The following TMBIM6 variants were observed in gnomAD, a reference collection of about 807,000 sequenced individuals.
TMBIM6 encodes the protein bax inhibitor 1.
TMBIM6 carries 13 observed loss-of-function variants against 31.4 expected under a neutral mutation model. The ratio of observed to expected loss-of-function variants is 0.41; its 90% CI spans 0.27 to 0.66. The LOEUF (loss-of-function observed/expected upper bound fraction) is 0.66. Among genes scored for constraint, TMBIM6 ranks in the 30% least tolerant of loss-of-function variants. The pLI, the probability that TMBIM6 is intolerant of heterozygous loss-of-function variation, is 0.28. For synonymous variants in TMBIM6, 85 were observed against 101.7 expected (o/e 0.84, Z 0.99); for missense variants, 275 against 289.5 (o/e 0.95, Z 0.36).
intron 1 of TMBIM6, among the ~76,000 whole-genome samples, chr12:49,747,078 T>G (rs749659682): frequency 6.6e-6 from 1 of 152,054 alleles, no homozygotes; most frequent in Non-Finnish European, 1.5e-5. Context: ...CCTCAGGTGA[T>G]CCACCCACTT....
rs542861317 is a variant in TMBIM6 at position 49,746,197 on chromosome 12, C to G, written c.-31+4586C>G. On this transcript the variant is annotated intron_variant, in intron 1 of 9. Coordinates refer to ENST00000267115, the MANE Select transcript of TMBIM6 (RefSeq NM_003217.3). ...TCCTGGGTTCAAGCCATTCTCCTGC[C>G]TCAGCCTCCCAAGTAGCTGGGATTA... Among the ~76,000 whole-genome samples, 22 of 152,004 alleles carry G rather than the reference C, an allele frequency of 1.4e-4. No individual in the cohort carries two copies. The East Asian group carries it at 4.3e-3, about 29-fold the overall frequency.
chr12:49,751,085 T>A (rs1421402047), intron 1 of TMBIM6, among the ~76,000 whole-genome samples: 2 of 152,196 alleles, frequency 1.3e-5, no homozygotes, highest in African/African-American at 4.8e-5. Context: ...GGATCTTTAG[T>A]ACTGTAGATT....
At chr12:49,750,896 A>C (rs1418648488) in intron 1 of TMBIM6, among the ~76,000 whole-genome samples, 1 of 152,062 alleles carries the variant, frequency 6.6e-6, no homozygotes, top group Non-Finnish European at 1.5e-5. Context: ...AATTGTTCTG[A>C]GTGTTGGGCT....
intron 4 of TMBIM6, among the ~76,000 whole-genome samples, chr12:49,755,983 G>A (rs894811585): frequency 1.3e-5 from 2 of 151,766 alleles, no homozygotes; most frequent in African/African-American, 4.8e-5. Flanking sequence ...ACAGGCACCT[G>A]CCACCACACC....
At chr12:49,742,016 G>C in intron 1 of TMBIM6, 1 of 1,422,004 alleles carries the variant, frequency 7.0e-7, no homozygotes, top group Admixed American at 2.1e-5. Context: ...CTTCCGAGGT[G>C]AAGGAACGCG....
chr12:49,752,351 A>G (rs1394956268), intron 1 of TMBIM6, 113 bp from the exon 2 acceptor site: 8 of 708,012 alleles, frequency 1.1e-5, no homozygotes, highest in Admixed American at 9.6e-5. Flanking sequence ...GGGCTGTAGA[A>G]TTTTAGGCAA....
intron 3 of TMBIM6, among the ~76,000 whole-genome samples, chr12:49,753,766 A>G (rs993485191): frequency 1.3e-5 from 2 of 152,302 alleles, no homozygotes; most frequent in Admixed American, 6.5e-5. Context: ...ATTACTTTAG[A>G]CACTCAAAGG....
intron 4 of TMBIM6, 82 bp downstream of exon 4, chr12:49,755,837 C>CA: frequency 8.9e-7 from 1 of 1,125,162 alleles, no homozygotes; most frequent in African/African-American, 1.8e-5. Context: ...CTTTTTTTTT[C>CA]TTTTTTTTTT....
intron 4 of TMBIM6, among the ~76,000 whole-genome samples, chr12:49,756,442 T>C (rs1186336101): frequency 1.4e-5 from 2 of 142,246 alleles, no homozygotes; most frequent in Non-Finnish European, 3.1e-5. Flanking sequence ...CCTCCTGGCT[T>C]TTTTTTTTTT....
At position 49,755,603 on chromosome 12, in the gene TMBIM6, G is replaced by A. The variant is rs189203560; in HGVS notation, c.166-32G>A. ...CAAAATAAATTTGAAACTTTCAAGT[G>A]TTTAATGATTGATTGATTCTGACTC... On this transcript the variant is annotated intron_variant, in intron 3 of 9. Coordinates refer to ENST00000267115, the MANE Select transcript of TMBIM6 (RefSeq NM_003217.3). The A allele has an allele frequency of 3.1e-4, 491 of 1,607,380 alleles. 2 individuals carry two copies. In the African/African-American group the frequency reaches 5.8e-3, roughly 19 times the overall value.
At chr12:49,760,111 CAAAAAAA>C (rs796352103) in intron 8 of TMBIM6, among the ~76,000 whole-genome samples, 3 of 83,512 alleles carry the variant, frequency 3.6e-5, no homozygotes, top group Non-Finnish European at 7.8e-5. Context: ...GACTCCTTCT[CAAAAAAA>C]AAAAAAAAAA....
intron 1 of TMBIM6, chr12:49,743,271 C>G (rs866703019): frequency 1.3e-5 from 2 of 151,744 alleles, no homozygotes; most frequent in South Asian, 2.1e-4. Flanking sequence ...GTCTCACTCC[C>G]TTACCCAAGC....
At chr12:49,760,694 G>A (rs1009795103) in intron 8 of TMBIM6, among the ~76,000 whole-genome samples, 6 of 151,944 alleles carry the variant, frequency 3.9e-5, no homozygotes, top group Admixed American at 6.6e-5. Flanking sequence ...TCTCCACCAC[G>A]TCCAGCTAAT....
At chr12:49,749,350 C>T (rs1404853270) in intron 1 of TMBIM6, among the ~76,000 whole-genome samples, 1 of 152,130 alleles carries the variant, frequency 6.6e-6, no homozygotes, top group Non-Finnish European at 1.5e-5. Context: ...AGATGCTCCT[C>T]AAGACGGGGC....
chr12:49,760,451 G>T (rs956709175), intron 8 of TMBIM6, among the ~76,000 whole-genome samples: 1 of 151,080 alleles, frequency 6.6e-6, no homozygotes, highest in Admixed American at 6.6e-5. Flanking sequence ...CTTACCATAT[G>T]CCCAGATTGG....
chr12:49,762,943 C>G lies in TMBIM6; in HGVS notation c.*47C>G, dbSNP rs1945748484. The G allele has an allele frequency of 6.3e-7, 1 of 1,598,748 alleles. No individual in the cohort carries two copies. Among genetic ancestry groups the G allele is most frequent in the Non-Finnish European group, 8.6e-7 (1 of 1,166,922 alleles). On this transcript the variant is annotated 3_prime_UTR_variant, in exon 10 of 10. Transcript: ENST00000267115. ...AATTAGACTTCCTCTCCTTCCACCC[C>G]TCATTTCCTTTTTGCACACATTACA...
intron 4 of TMBIM6, 83 bp downstream of exon 4, chr12:49,755,838 T>TC: frequency 9.4e-6 from 3 of 320,810 alleles, no homozygotes; most frequent in Non-Finnish European, 1.3e-5. Flanking sequence ...TTTTTTTTTC[T>TC]TTTTTTTTTT....
chr12:49,758,764 T>C lies in TMBIM6; in HGVS notation c.513+2T>C, dbSNP rs1280886561. 6.2e-7 allele frequency: 1 copy of C among 1,613,644 alleles called. No individual in the cohort carries two copies. The highest frequency in any genetic ancestry group is 8.5e-7 in the Non-Finnish European group (1 of 1,179,714). On this transcript the variant is annotated splice_donor_variant, in intron 7 of 9. Coordinates refer to ENST00000267115, the MANE Select transcript of TMBIM6 (RefSeq NM_003217.3). LOFTEE classifies it high-confidence loss of function. Reference sequence around the variant, plus strand: ...TTTGGATCCATTTGGCTTTTCCAGGTAAGACTTAGCCTGGAACTTTCCAGC... The same window carrying C: ...TTTGGATCCATTTGGCTTTTCCAGGCAAGACTTAGCCTGGAACTTTCCAGC...
chr12:49,753,924 CTTT>C (rs201872079), intron 3 of TMBIM6, among the ~76,000 whole-genome samples: 3 of 138,332 alleles, frequency 2.2e-5, no homozygotes, highest in African/African-American at 5.3e-5. Context: ...ACTCATGGCA[CTTT>C]TTTTTTTTTT....
Sources: gnomAD v4.1 joint callset for allele counts (sites outside exome capture counted in the v4.1 genomes callset) on GRCh38, gnomAD v4.1.1 for gene constraint, MANE v1.5 for transcripts, NCBI Gene and HGNC (gene_info 2026-07-23, HGNC 2026-07-21) for gene names.